MEX3D: variants seen among roughly 807,000 people sequenced by gnomAD.
MEX3D encodes mex-3 RNA binding family member D.
Under a neutral mutation model 6.3 loss-of-function variants are expected in MEX3D, and 4 were observed. That is an observed-to-expected ratio of 0.64 (90% confidence interval 0.31 to 1.46). The LOEUF (loss-of-function observed/expected upper bound fraction) is 1.46, where lower values mean the gene tolerates loss of function less well. MEX3D is among the 40% of genes most tolerant of loss of function. The pLI is 0.07. For missense variants in MEX3D, 1,038 were observed against 994.4 expected (o/e 1.04, Z -0.59); for synonymous variants, 626 against 494.1 (o/e 1.27, Z -3.54).
Position 1,567,058 on chromosome 19 carries a change from C to T in MEX3D, c.595+406G>A, listed in dbSNP as rs1398979050. On this transcript the variant is annotated intron_variant, in intron 1 of 1. Transcript: ENST00000402693. The surrounding 1 kb of genome is among the most constrained non-coding windows in gnomAD (Gnocchi z 6.5). ...CCTGCAGGCGGCCCCCCTAAGCCAC[C>T]CCTAAACCTGCGCTTGCCCCGCCCC... Among the ~76,000 whole-genome samples, 2 of 152,108 alleles carry T rather than the reference C, an allele frequency of 1.3e-5. No individual in the cohort carries two copies. Among genetic ancestry groups the T allele is most frequent in the Non-Finnish European group, 2.9e-5 (2 of 67,990 alleles).
At chr19:1,559,110 C>T (rs971970077) in intron 1 of MEX3D, among the ~76,000 whole-genome samples, 11 of 152,034 alleles carry the variant, frequency 7.2e-5, no homozygotes, top group African/African-American at 2.7e-4. Flanking sequence ...ACCTCAGCCT[C>T]CAGAGCTGGC....
chr19:1,562,433 G>A (rs904272660), intron 1 of MEX3D, among the ~76,000 whole-genome samples: 1 of 147,560 alleles, frequency 6.8e-6, no homozygotes, highest in African/African-American at 2.5e-5. Flanking sequence ...GCTGAGGCAG[G>A]AGAATCGCTT....
chr19:1,559,840 T>C (rs961609807), intron 1 of MEX3D, among the ~76,000 whole-genome samples: 1 of 151,392 alleles, frequency 6.6e-6, no homozygotes. Context: ...GTGGCGGGGG[T>C]GCACCCACTC....
In MEX3D at chr19:1,567,630, G is replaced by A. The variant is rs967483154; in HGVS notation, c.429C>T (p.Pro143=). The A allele has an allele frequency of 4.7e-6, 6 of 1,280,960 alleles. No individual in the cohort carries two copies. The African/African-American group carries it at 7.9e-5, about 17-fold the overall frequency. 79.3% of individuals were successfully genotyped at this position (1,280,960 alleles called of 1,614,324 possible). A position where few individuals can be genotyped will look rare whatever the true frequency, so the allele number is the denominator to read the frequency against. The change falls in exon 1 of 2, where the codon CCC becomes CCT. Residue 143 remains proline, a synonymous_variant. Transcript: ENST00000402693. The surrounding 1 kb of genome is among the most constrained non-coding windows in gnomAD (Gnocchi z 6.5). ...PPPPPPPRPS[P]PDVFAGFAPH... ...GCGCGAAGCCCGCGAACACGTCGGGGGGCGACGGCCGGGGCGGCGGCGGCG... is the reference window on the plus strand; with the variant it reads ...GCGCGAAGCCCGCGAACACGTCGGGAGGCGACGGCCGGGGCGGCGGCGGCG...
chr19:1,565,691 C>A (rs1599328917), intron 1 of MEX3D, among the ~76,000 whole-genome samples: 1 of 152,196 alleles, frequency 6.6e-6, no homozygotes, highest in Non-Finnish European at 1.5e-5. Flanking sequence ...TACCCCCGAC[C>A]CCCACTGTAC....
rs1032675165 is a variant in MEX3D, at chr19:1,567,997, A to ACGC, written c.59_61dup (p.Gly20dup). 1.7e-4 allele frequency: 160 copies of ACGC among 965,322 alleles called. No individual in the cohort carries two copies. In the East Asian group the frequency reaches 6.7e-3, roughly 40 times the overall value. 59.8% of individuals were successfully genotyped at this position (965,322 alleles called of 1,614,324 possible). ...TCCGGGGTCCTCCCCCGCCGCCCCC[A>ACGC]CGCCGCCGCCGCCGCCGCCCCCGCC... On this transcript the variant is annotated inframe_insertion, in exon 1 of 2. Transcript: ENST00000402693. This position sits in a 1 kb window ranked among gnomAD's most constrained non-coding sequence, Gnocchi z 6.5.
intron 1 of MEX3D, among the ~76,000 whole-genome samples, chr19:1,562,644 G>A (rs10407104): frequency 0.59 from 89,272 of 151,980 alleles, 28,279 homozygotes; most frequent in African/African-American, 0.81. Flanking sequence ...GCTGCAGTGA[G>A]CTACAATCAC....
chr19:1,559,596 C>T (rs1914667993), intron 1 of MEX3D, among the ~76,000 whole-genome samples: 1 of 152,192 alleles, frequency 6.6e-6, no homozygotes, highest in Admixed American at 6.5e-5. Flanking sequence ...CTGCTCACAA[C>T]CCCTCAGGCT....
At chr19:1,558,633 C>A (rs1168166151) in intron 1 of MEX3D, among the ~76,000 whole-genome samples, 1 of 152,222 alleles carries the variant, frequency 6.6e-6, no homozygotes, top group Non-Finnish European at 1.5e-5. Flanking sequence ...CCCGGCCCAA[C>A]AGGAGGGGAA....
intron 1 of MEX3D, among the ~76,000 whole-genome samples, chr19:1,561,450 C>T (rs1914715631): frequency 6.6e-6 from 1 of 152,216 alleles, no homozygotes; most frequent in African/African-American, 2.4e-5. Flanking sequence ...AGCAGCATCC[C>T]AGACCTGGGC....
At position 1,555,394 on chromosome 19, in the gene MEX3D, G is replaced by C; in HGVS notation, c.*169C>G. ...GCGGGGTCTCCGTCTCCACGCCTGA[G>C]GCGGCAGTTAAAGCTCATCTGTAAA... On this transcript the variant is annotated 3_prime_UTR_variant, in exon 2 of 2. Transcript: ENST00000402693. 1.2e-6 allele frequency: 2 copies of C among 1,601,042 alleles called. No homozygotes were observed. Among genetic ancestry groups the C allele is most frequent in the Non-Finnish European group, 1.7e-6 (2 of 1,173,686 alleles).
chr19:1,567,842 C>A lies in MEX3D; in HGVS notation c.217G>T (p.Gly73Cys). 1.0e-6 allele frequency: 1 copy of A among 1,002,952 alleles called. No individual in the cohort carries two copies. Among genetic ancestry groups the A allele is most frequent in the Non-Finnish European group, 1.2e-6 (1 of 842,620 alleles). 62.1% of individuals were successfully genotyped at this position (1,002,952 alleles called of 1,614,324 possible). Residue 73 changes from glycine (G) to cysteine (C), a missense_variant, in exon 1 of 2, where the codon GGC becomes TGC. Physicochemically the swap from Gly to Cys is radical, Grantham distance 159 (BLOSUM62 -3). Around this residue, in one of 5 missense-constraint regions of MEX3D, gnomAD observed 265 missense variants for 206.3 expected, o/e 1.28. Coordinates refer to ENST00000402693, the MANE Select transcript of MEX3D (RefSeq NM_203304.4). The surrounding 1 kb of genome is among the most constrained non-coding windows in gnomAD (Gnocchi z 6.5). Reference protein sequence around the residue: ...LDQLSALGLGGAGDTDEEGAA... With the variant: ...LDQLSALGLGCAGDTDEEGAA... ...CCCTCCTCGTCCGTGTCGCCAGCGC[C>A]CCCCAGCCCGAGCGCCGACAGCTGG...
chr19:1,558,983 T>G (rs1480134435), intron 1 of MEX3D, among the ~76,000 whole-genome samples: 3 of 151,690 alleles, frequency 2.0e-5, no homozygotes, highest in African/African-American at 7.3e-5. Flanking sequence ...CTTAATGGTT[T>G]TTTTTTTTTT....
intron 1 of MEX3D, among the ~76,000 whole-genome samples, chr19:1,560,931 C>T (rs761233049): frequency 5.9e-5 from 9 of 152,326 alleles, no homozygotes; most frequent in Admixed American, 1.3e-4. Context: ...AATGACACAG[C>T]GAGGCTAGAG....
rs572551320 is a variant in MEX3D at position 1,558,119 on chromosome 19, G to A, written c.596-1196C>T. On this transcript the variant is annotated intron_variant, in intron 1 of 1. Transcript: ENST00000402693. ...TCACACCCGTAATCCTAGTACTTCG[G>A]GAATCTGAGGCAGGAGGATCACTGG... 3.2e-4 allele frequency among the ~76,000 whole-genome samples: 49 copies of A among 151,382 alleles called. No homozygotes were observed. The South Asian group carries it at 0.01, about 31-fold the overall frequency.
rs765387443 is a variant in MEX3D at position 1,555,310 on chromosome 19, G to A, written c.*253C>T. On this transcript the variant is annotated 3_prime_UTR_variant, in exon 2 of 2. Transcript: ENST00000402693. ...AAGTGCAAGCGGACCTTTTCTCTCC[G>A]GTTTATTGTAACCTGACCACTCAAT... is the stretch of plus-strand genomic sequence containing the variant. 2 of 1,589,906 alleles carry A rather than the reference G, an allele frequency of 1.3e-6. No individual in the cohort carries two copies. Among genetic ancestry groups the A allele is most frequent in the Non-Finnish European group, 1.7e-6 (2 of 1,165,816 alleles).
chr19:1,556,152 T>C lies in MEX3D; in HGVS notation c.1367A>G (p.Asp456Gly), dbSNP rs1568263876. ...CAGGTCCAGCGCCAGGAAGTCGAAG[T>C]CGAAGCCGAAGTCGCAGTCGTCGGG... ...AAPDDCDFGF[D>G]FDFLALDLTV... The change falls in exon 2 of 2, where the codon GAC (aspartate) becomes GGC (glycine). Residue 456 changes from aspartate (D) to glycine (G), a missense_variant. Physicochemically the swap from Asp to Gly is moderately conservative, Grantham distance 94. Around this residue, in one of 5 missense-constraint regions of MEX3D, gnomAD observed 581 missense variants for 516.2 expected, o/e 1.13. Transcript: ENST00000402693. The surrounding 1 kb of genome is among the most constrained non-coding windows in gnomAD (Gnocchi z 7.5). 3.4e-6 allele frequency: 5 copies of C among 1,474,560 alleles called. No homozygotes were observed. The highest frequency in any genetic ancestry group is 4.2e-5 in the Admixed American group (2 of 47,464). The allele number at this position is 1,474,560 out of a possible 1,614,324, so 91.3% of individuals were successfully genotyped here. A position where few individuals can be genotyped will look rare whatever the true frequency, so the allele number is the denominator to read the frequency against.
chr19:1,560,357 C>T (rs984527420), intron 1 of MEX3D, among the ~76,000 whole-genome samples: 3 of 152,224 alleles, frequency 2.0e-5, no homozygotes, highest in East Asian at 3.9e-4. Flanking sequence ...ATGGAGGCTC[C>T]GCTGGCCCTG....
Position 1,555,431 on chromosome 19 carries a change from G to A in MEX3D, c.*132C>T, listed in dbSNP as rs757984648. The A allele has an allele frequency of 1.1e-5, 16 of 1,454,756 alleles. No homozygotes were observed. The highest frequency in any genetic ancestry group is 3.9e-5 in the Admixed American group (2 of 51,396). 90.1% of individuals were successfully genotyped at this position (1,454,756 alleles called of 1,614,324 possible). On this transcript the variant is annotated 3_prime_UTR_variant, in exon 2 of 2. Coordinates refer to ENST00000402693, the MANE Select transcript of MEX3D (RefSeq NM_203304.4). The stretch of plus-strand genomic sequence containing the variant: ...AGCTCATCTGTAAACACTGGCCGCC[G>A]CCCACCCCCCTGCCCCCTCGGCCTC...
Sources: gnomAD v4.1 joint callset for allele counts (sites outside exome capture counted in the v4.1 genomes callset) on GRCh38, gnomAD v4.1.1 for gene constraint, gnomAD v4.1.1 regional missense constraint, Gnocchi (gnomAD v3.1) non-coding constraint, MANE v1.5 for transcripts, NCBI Gene and HGNC (gene_info 2026-07-23, HGNC 2026-07-21) for gene names.